The following MUC7 variants were observed in gnomAD, a reference collection of about 807,000 sequenced individuals.
MUC7 encodes mucin-7.
MUC7 carries 2 observed loss-of-function variants against 2.5 expected under a neutral mutation model. That is an observed-to-expected ratio of 0.81 (90% CI 0.33 to 2.55). The LOEUF (loss-of-function observed/expected upper bound fraction) is 2.55. Ranked by LOEUF, MUC7 falls within the 30% of genes most tolerant of loss-of-function variation. The probability of loss-of-function intolerance (pLI) is 0.11; values close to 1 mark genes in which losing one functional copy is unlikely to be tolerated. For missense variants in MUC7, 408 were observed against 455.6 expected (o/e 0.90, Z 0.95); for synonymous variants, 133 against 173.4 (o/e 0.77, Z 1.83).
At chr4:70,475,965 A>G (rs2109743437) in intron 2 of MUC7, among the ~76,000 whole-genome samples, 1 of 152,290 alleles carries the variant, frequency 6.6e-6, no homozygotes, top group South Asian at 2.1e-4. Context: ...TGACTAGAAG[A>G]GTGTTCAAGC....
chr4:70,432,955 C>T (rs1378994428), intron 1 of MUC7, among the ~76,000 whole-genome samples: 1 of 152,158 alleles, frequency 6.6e-6, no homozygotes, highest in Non-Finnish European at 1.5e-5. Context: ...TATGGCTAGC[C>T]AGTTTTCCCG....
Position 70,474,084 on chromosome 4 carries a change from T to C in MUC7, c.54+9T>C. On this transcript the variant is annotated intron_variant, in intron 2 of 2. Transcript: ENST00000304887. ...TGAGTGCTTGCTTCTCGGTAAGTAT[T>C]CACCCAAATAAGTTTTTTCCTTAAC... is the stretch of plus-strand genomic sequence containing the variant. 6.2e-7 allele frequency: 1 copy of C among 1,611,620 alleles called. No individual in the cohort carries two copies. The highest frequency in any genetic ancestry group is 8.5e-7 in the Non-Finnish European group (1 of 1,178,268).
At chr4:70,478,458 G>C (rs17731293) in intron 2 of MUC7, among the ~76,000 whole-genome samples, 24,625 of 152,078 alleles carry the variant, frequency 0.16, 2,155 homozygotes, top group South Asian at 0.21. Context: ...ATTAGACTTT[G>C]GATCTGGAAT....
At chr4:70,437,184 T>C (rs747989339) in intron 1 of MUC7, among the ~76,000 whole-genome samples, 2 of 152,162 alleles carry the variant, frequency 1.3e-5, no homozygotes, top group African/African-American at 2.4e-5. Context: ...AGGCAGTCTG[T>C]CTGTTCTCAG....
chr4:70,475,396 T>C (rs1734968116), intron 2 of MUC7, among the ~76,000 whole-genome samples: 1 of 152,206 alleles, frequency 6.6e-6, no homozygotes, highest in South Asian at 2.1e-4. Context: ...ATATGTTGTC[T>C]GGAGTTCAGA....
chr4:70,469,179 G>A (rs34580337), upstream of MUC7, among the ~76,000 whole-genome samples: 28,069 of 152,086 alleles, frequency 0.18, 2,955 homozygotes, highest in African/African-American at 0.27. Context: ...TGTAATAAAC[G>A]GTGTTGGGAA....
At chr4:70,469,540 G>A (rs556647214), upstream of MUC7, among the ~76,000 whole-genome samples, 1 of 152,080 alleles carries the variant, frequency 6.6e-6, no homozygotes, top group East Asian at 1.9e-4. Context: ...GAATCTACAA[G>A]GAACTTAAAC....
intron 1 of MUC7, among the ~76,000 whole-genome samples, chr4:70,434,917 CG>C (rs1242345127): frequency 6.6e-6 from 1 of 152,088 alleles, no homozygotes; most frequent in Non-Finnish European, 1.5e-5. Context: ...TCTTTGTTCT[CG>C]TTGGTTTCAA....
Position 70,481,570 on chromosome 4 carries a change from G to C in MUC7, c.826G>C (p.Ala276Pro), listed in dbSNP as rs1234670069. 1.9e-6 allele frequency: 3 copies of C among 1,610,820 alleles called. No homozygotes were observed. The highest frequency in any genetic ancestry group is 2.5e-6 in the Non-Finnish European group (3 of 1,179,558). Residue 276 changes from alanine (A) to proline (P), a missense_variant, in exon 3 of 3, where the codon GCT becomes CCT. By Grantham distance (27) the Ala-to-Pro change is conservative (BLOSUM62 -1). Coordinates refer to ENST00000304887, the MANE Select transcript of MUC7 (RefSeq NM_152291.3). ...TACCCTAGACCCATCATCCGCCTCA[G>C]CTCCACCAGAGACCACAGCTGCCCC... ...ATTLDPSSAS[A>P]PPETTAAPPT...
chr4:70,476,438 G>C (rs566691728), intron 2 of MUC7, among the ~76,000 whole-genome samples: 47 of 152,116 alleles, frequency 3.1e-4, no homozygotes, highest in Non-Finnish European at 5.7e-4. Context: ...CAAGTGCTTA[G>C]AATAAATAAA....
intron 1 of MUC7, among the ~76,000 whole-genome samples, chr4:70,439,417 G>A (rs910181843): frequency 2.6e-5 from 4 of 152,252 alleles, no homozygotes; most frequent in South Asian, 2.1e-4. Flanking sequence ...TTTGGTGCCC[G>A]ACTTTTGTTT....
intron 1 of MUC7, among the ~76,000 whole-genome samples, chr4:70,465,038 C>T (rs1560553662): frequency 6.6e-6 from 1 of 152,218 alleles, no homozygotes; most frequent in Admixed American, 6.5e-5. Context: ...TGGGATGAAG[C>T]TTCCAGATGA....
chr4:70,452,769 T>C (rs1734310656), intron 1 of MUC7, among the ~76,000 whole-genome samples: 1 of 152,218 alleles, frequency 6.6e-6, no homozygotes. Flanking sequence ...CCTGTGTATT[T>C]TCTATTATCA....
intron 1 of MUC7, among the ~76,000 whole-genome samples, chr4:70,435,279 G>A (rs755590670): frequency 2.8e-4 from 42 of 151,754 alleles, no homozygotes; most frequent in East Asian, 1.4e-3. Context: ...TTACTGTCTC[G>A]TTGATCTAAT....
intron 1 of MUC7, among the ~76,000 whole-genome samples, chr4:70,434,933 C>T (rs1055388133): frequency 5.9e-5 from 9 of 152,128 alleles, no homozygotes; most frequent in Admixed American, 4.6e-4. Flanking sequence ...TTTCAAAGAA[C>T]ATCTTTATTT....
At chr4:70,469,851 G>A (rs35119954), upstream of MUC7, among the ~76,000 whole-genome samples, 28,083 of 152,128 alleles carry the variant, frequency 0.18, 2,960 homozygotes, top group African/African-American at 0.27. Flanking sequence ...ACAGTGTAGC[G>A]ATTCTGCAAG....
intron 1 of MUC7, among the ~76,000 whole-genome samples, chr4:70,457,572 T>C (rs1231602909): frequency 6.6e-6 from 1 of 152,046 alleles, no homozygotes; most frequent in Non-Finnish European, 1.5e-5. Flanking sequence ...ACTCAAAAAT[T>C]GTTTCCTTGC....
chr4:70,446,738 C>T (rs1734150485), intron 1 of MUC7, among the ~76,000 whole-genome samples: 1 of 152,122 alleles, frequency 6.6e-6, no homozygotes, highest in African/African-American at 2.4e-5. Flanking sequence ...TTATCCCTTC[C>T]TAAACTTCTA....
chr4:70,479,219 C>G (rs1454596855), intron 2 of MUC7, among the ~76,000 whole-genome samples: 1 of 152,134 alleles, frequency 6.6e-6, no homozygotes, highest in Non-Finnish European at 1.5e-5. Flanking sequence ...AATTCCAGAT[C>G]CAAAATCTAA....
Sources: gnomAD v4.1 joint callset for allele counts (sites outside exome capture counted in the v4.1 genomes callset) on GRCh38, gnomAD v4.1.1 for gene constraint, MANE v1.5 for transcripts, NCBI Gene and HGNC (gene_info 2026-07-23, HGNC 2026-07-21) for gene names.